Variants in ACACB observed in about 807,000 individuals in gnomAD.
ACACB encodes the protein acetyl-CoA carboxylase beta, also known as acetyl-CoA carboxylase 2.
In ACACB, 209 loss-of-function variants were observed where a neutral mutation model predicts 278.8. The observed-to-expected ratio is 0.75, with a 90% confidence interval of 0.67 to 0.84. The LOEUF is 0.84. Ranked by LOEUF, ACACB falls within the 40% of genes least tolerant of loss-of-function variation. ACACB has a pLI of 0.00. For missense variants in ACACB, 2,850 were observed against 3,269.0 expected (o/e 0.87, Z 3.13); for synonymous variants, 1,174 against 1,285.6 (o/e 0.91, Z 1.86).
chr12:109,176,058 G>T lies in ACACB; in HGVS notation c.1326+18G>T, dbSNP rs781021969. 3 of 1,613,278 alleles carry T rather than the reference G, an allele frequency of 1.9e-6. No individual in the cohort carries two copies. Among genetic ancestry groups the T allele is most frequent in the Non-Finnish European group, 2.5e-6 (3 of 1,179,172 alleles). ...GCTTGGAGGTAAATGCAGAGCCTGT[G>T]GGGGCCAGGGGAGCCAGAACCGAAC... On this transcript the variant is annotated intron_variant, in intron 8 of 52. Coordinates refer to ENST00000338432, the MANE Select transcript of ACACB (RefSeq NM_001093.4).
At chr12:109,261,879 A>AG (rs2047387584) in intron 48 of ACACB, among the ~76,000 whole-genome samples, 1 of 150,766 alleles carries the variant, frequency 6.6e-6, no homozygotes, top group South Asian at 2.1e-4. Flanking sequence ...TAAAAAAAAA[A>AG]CAAAAAAAAA....
intron 41 of ACACB, among the ~76,000 whole-genome samples, chr12:109,250,746 T>A (rs1290057555): frequency 6.6e-6 from 1 of 152,134 alleles, no homozygotes; most frequent in Non-Finnish European, 1.5e-5. Context: ...GTGGTGAATC[T>A]GTATGGGTCT....
intron 24 of ACACB, among the ~76,000 whole-genome samples, chr12:109,217,303 G>C (rs1703433237): frequency 6.6e-6 from 1 of 151,968 alleles, no homozygotes; most frequent in Non-Finnish European, 1.5e-5. Flanking sequence ...AAAAGAAAAA[G>C]TAAGCCAGCA....
At chr12:109,189,311 T>TA (rs2044779136) in intron 13 of ACACB, among the ~76,000 whole-genome samples, 1 of 152,178 alleles carries the variant, frequency 6.6e-6, no homozygotes, top group South Asian at 2.1e-4. Flanking sequence ...TAATTAATTT[T>TA]AATCATGCTT....
At chr12:109,153,082 G>A (rs1001187798) in intron 2 of ACACB, among the ~76,000 whole-genome samples, 3 of 152,116 alleles carry the variant, frequency 2.0e-5, no homozygotes, top group Non-Finnish European at 2.9e-5. Context: ...TGCCTCGTGG[G>A]TTCAAGTGAT....
chr12:109,211,630 GC>G (rs1307755238), intron 21 of ACACB, among the ~76,000 whole-genome samples: 3 of 152,164 alleles, frequency 2.0e-5, no homozygotes, highest in African/African-American at 7.2e-5. Context: ...GCCGCCAGGG[GC>G]TGCAGTGCAG....
intron 2 of ACACB, among the ~76,000 whole-genome samples, chr12:109,143,094 G>T (rs1327495595): frequency 2.0e-5 from 3 of 152,108 alleles, no homozygotes; most frequent in Admixed American, 2.0e-4. Flanking sequence ...TATGGTGAAC[G>T]AAGGAGTGAT....
At chr12:109,219,611 G>A (rs781071822) in intron 24 of ACACB, among the ~76,000 whole-genome samples, 4 of 152,152 alleles carry the variant, frequency 2.6e-5, no homozygotes, top group Non-Finnish European at 4.4e-5. Context: ...AGATATGTGC[G>A]AAAATAGTGT....
In ACACB at chr12:109,241,120, C is replaced by T. The variant is rs1405698927; in HGVS notation, c.4861C>T (p.Arg1621Trp). Reference protein sequence around the residue: ...VRYMVMRYGSRLWKLRVLQAE... With the variant: ...VRYMVMRYGSWLWKLRVLQAE... The stretch of plus-strand genomic sequence containing the variant: ...CTACATGGTTATGCGCTACGGCAGC[C>T]GGCTGTGGAAACTCCGTGTGCTACA... Residue 1621 changes from arginine (R) to tryptophan (W), a missense_variant, in exon 36 of 53, where the codon CGG becomes TGG. Arg to Trp is a moderately radical substitution (Grantham distance 101). Coordinates refer to ENST00000338432, the MANE Select transcript of ACACB (RefSeq NM_001093.4). The T allele has an allele frequency of 1.9e-6, 3 of 1,613,972 alleles. No homozygotes were observed. The highest frequency in any genetic ancestry group is 1.3e-5 in the African/African-American group (1 of 74,896).
chr12:109,174,109 C>T (rs1435572896), intron 6 of ACACB, 23 bp from the exon 7 acceptor site: 1 of 1,593,006 alleles, frequency 6.3e-7, no homozygotes, highest in Middle Eastern at 1.7e-4. Flanking sequence ...ATTCTGCTTC[C>T]CTTCTTGTCC....
intron 22 of ACACB, among the ~76,000 whole-genome samples, chr12:109,216,088 CA>C (rs1288465866): frequency 6.6e-6 from 1 of 151,992 alleles, no homozygotes; most frequent in Non-Finnish European, 1.5e-5. Context: ...TGTGAGCCAC[CA>C]TGCCTGGCCT....
Position 109,209,363 on chromosome 12 carries a change from C to T in ACACB, c.3249+10C>T, listed in dbSNP as rs1191544949. The T allele has an allele frequency of 1.2e-6, 2 of 1,602,342 alleles. No homozygotes were observed. The highest frequency in any genetic ancestry group is 1.7e-6 in the Non-Finnish European group (2 of 1,174,032). On this transcript the variant is annotated intron_variant, in intron 21 of 52. Coordinates refer to ENST00000338432, the MANE Select transcript of ACACB (RefSeq NM_001093.4). Reference sequence around the variant, plus strand: ...GTTCCCCAGCCAGCAGGTGCGTGCTCCCCTGCCCAGCCCCACCCCACCAGG... The same window carrying T: ...GTTCCCCAGCCAGCAGGTGCGTGCTTCCCTGCCCAGCCCCACCCCACCAGG...
chr12:109,143,808 G>A (rs2043176567), intron 2 of ACACB, among the ~76,000 whole-genome samples: 1 of 152,098 alleles, frequency 6.6e-6, no homozygotes, highest in Non-Finnish European at 1.5e-5. Context: ...GCTGGTGCCT[G>A]CTGCCTCTGG....
chr12:109,217,765 A>G (rs545130495), intron 24 of ACACB, among the ~76,000 whole-genome samples: 6 of 152,160 alleles, frequency 3.9e-5, no homozygotes, highest in African/African-American at 1.4e-4. Flanking sequence ...ACACCACTAC[A>G]CTCCAGCCTG....
rs571283153 is a variant in ACACB, at chr12:109,231,603, G to A, written c.4002-1066G>A. On this transcript the variant is annotated intron_variant, in intron 28 of 52. Transcript: ENST00000338432. Reference sequence around the variant, plus strand: ...AAAAGCACCCCCAGGTTCGATCATCGCCTAGGAGAACTCACAGGTCTCGGG... The same window carrying A: ...AAAAGCACCCCCAGGTTCGATCATCACCTAGGAGAACTCACAGGTCTCGGG... Among the ~76,000 whole-genome samples the A allele has an allele frequency of 1.1e-4, 17 of 152,130 alleles. No individual in the cohort carries two copies. In the South Asian group the frequency reaches 1.5e-3, roughly 13 times the overall value.
At chr12:109,241,638 C>T (rs570296942) in intron 36 of ACACB, 362 of 287,770 alleles carry the variant, frequency 1.3e-3, no homozygotes, top group African/African-American at 7.2e-3. Context: ...TGAGCCACCA[C>T]GCCTGGCCAT....
At chr12:109,240,012 C>T (rs373271812) in intron 35 of ACACB, 27 bp downstream of exon 35, 2 of 1,607,138 alleles carry the variant, frequency 1.2e-6, no homozygotes, top group African/African-American at 1.3e-5. Flanking sequence ...GGGGCTCTCA[C>T]CGGGCTCTGG....
chr12:109,235,245 A>G, intron 31 of ACACB, 68 bp from the exon 32 acceptor site: 1 of 1,326,042 alleles, frequency 7.5e-7, no homozygotes, highest in Non-Finnish European at 1.1e-6. Context: ...GTGTGGTAAC[A>G]TGCAGCAATA....
At position 109,241,109 on chromosome 12, in the gene ACACB, G is replaced by A. The variant is rs547366413; in HGVS notation, c.4850G>A (p.Arg1617His). 7.4e-6 allele frequency: 12 copies of A among 1,614,138 alleles called. No individual in the cohort carries two copies. Among genetic ancestry groups the A allele is most frequent in the Admixed American group, 1.7e-5 (1 of 59,998 alleles). The part of the protein sequence containing the change: ...IEESVRYMVM[R>H]YGSRLWKLRV... ...GAGTCCGTGCGCTACATGGTTATGC[G>A]CTACGGCAGCCGGCTGTGGAAACTC... Residue 1617 changes from arginine (R) to histidine (H), a missense_variant, in exon 36 of 53, where the codon CGC becomes CAC. Coordinates refer to ENST00000338432, the MANE Select transcript of ACACB (RefSeq NM_001093.4).
Sources: allele counts gnomAD v4.1 joint callset (sites outside exome capture counted in the v4.1 genomes callset), GRCh38; gene constraint gnomAD v4.1.1; transcripts MANE v1.5; gene names NCBI Gene and HGNC (gene_info 2026-07-23, HGNC 2026-07-21).